DAP3: variants seen among roughly 807,000 people sequenced by gnomAD.
DAP3 encodes small ribosomal subunit protein mS29.
DAP3 carries 28 observed loss-of-function variants against 51.9 expected under a neutral mutation model. The ratio of observed to expected loss-of-function variants is 0.54; its 90% CI spans 0.40 to 0.74. The LOEUF is 0.74. Ranked by LOEUF, DAP3 falls within the 30% of genes least tolerant of loss-of-function variation. The pLI is 0.00. For missense variants in DAP3, 458 were observed against 483.5 expected (o/e 0.95, Z 0.49); for synonymous variants, 170 against 170.3 (o/e 1.00, Z 0.01).
At chr1:155,690,736 T>A (rs1004449069) in intron 1 of DAP3, among the ~76,000 whole-genome samples, 2 of 141,706 alleles carry the variant, frequency 1.4e-5, no homozygotes, top group Non-Finnish European at 2.9e-5. Flanking sequence ...TCTGTAAATT[T>A]ACACTTTTTT....
At chr1:155,707,903 T>A (rs1371170715) in intron 1 of DAP3, among the ~76,000 whole-genome samples, 4 of 152,208 alleles carry the variant, frequency 2.6e-5, no homozygotes, top group African/African-American at 9.6e-5. Flanking sequence ...TTCATTTAAT[T>A]GCTTTCTAAT....
chr1:155,737,103 A>T lies in DAP3; in HGVS notation c.1111+40A>T, dbSNP rs766103113. ...TTTTTCCTATCAGGGCTTTGTGATC[A>T]CAGTAGAATCCCACTCAGTCAGAGC... On this transcript the variant is annotated intron_variant, in intron 12 of 12. Transcript: ENST00000368336. The T allele has an allele frequency of 8.9e-5, 126 of 1,410,518 alleles. 2 individuals are homozygous for T. In the South Asian group the frequency reaches 1.4e-3, roughly 16 times the overall value. 87.4% of individuals were successfully genotyped at this position (1,410,518 alleles called of 1,614,324 possible).
chr1:155,703,214 G>A (rs921568733), intron 1 of DAP3, among the ~76,000 whole-genome samples: 1 of 152,126 alleles, frequency 6.6e-6, no homozygotes, highest in Non-Finnish European at 1.5e-5. Context: ...ACCCAAGACT[G>A]CGTAATTTAT....
At chr1:155,724,360 G>T (rs1441035515) in intron 4 of DAP3, among the ~76,000 whole-genome samples, 1 of 152,152 alleles carries the variant, frequency 6.6e-6, no homozygotes, top group Non-Finnish European at 1.5e-5. Flanking sequence ...TTTAGGCCAG[G>T]TGCGGTGGCT....
At chr1:155,689,364 C>T (rs1328260857) in intron 1 of DAP3, 190 bp downstream of exon 1, 5 of 520,438 alleles carry the variant, frequency 9.6e-6, no homozygotes, top group Admixed American at 2.3e-5. Context: ...GTTGTTAACC[C>T]TCCTCGGATT....
At chr1:155,725,767 G>A (rs897310636) in intron 5 of DAP3, among the ~76,000 whole-genome samples, 160 bp from the exon 6 acceptor site, 3 of 152,134 alleles carry the variant, frequency 2.0e-5, no homozygotes, top group Non-Finnish European at 4.4e-5. Context: ...GGGAAGCTGA[G>A]GCAGGAGAAT....
chr1:155,717,709 C>G (rs1657493273), intron 3 of DAP3, among the ~76,000 whole-genome samples: 2 of 152,130 alleles, frequency 1.3e-5, no homozygotes, highest in African/African-American at 4.8e-5. Flanking sequence ...GGTTCAGAAC[C>G]CAATTTTTCT....
rs183261166 is a variant in DAP3 at position 155,730,384 on chromosome 1, G to A, written c.844-972G>A. Among the ~76,000 whole-genome samples, 193 of 152,138 alleles carry A rather than the reference G, an allele frequency of 1.3e-3. 1 individual carries two copies. Among genetic ancestry groups the A allele is most frequent in the East Asian group, 1.5e-3 (8 of 5,178 alleles). On this transcript the variant is annotated intron_variant, in intron 9 of 12. Coordinates refer to ENST00000368336, the MANE Select transcript of DAP3 (RefSeq NM_004632.4). Reference sequence around the variant, plus strand: ...CTTTTAGGAGGCCAAGAGGTGATTTGCTTGAGTCCAGGAGTTTGGAGTTTG... The same window carrying A: ...CTTTTAGGAGGCCAAGAGGTGATTTACTTGAGTCCAGGAGTTTGGAGTTTG...
rs1442854821 is a variant in DAP3 at position 155,716,855 on chromosome 1, G to A, written c.46-151G>A. On this transcript the variant is annotated intron_variant, in intron 2 of 12. Coordinates refer to ENST00000368336, the MANE Select transcript of DAP3 (RefSeq NM_004632.4). ...CCAGTTACTCAGGAAGCTGAGGCAGGAGAATCACTTGAACCTGGAAGGCGG... is the reference window on the plus strand; with the variant it reads ...CCAGTTACTCAGGAAGCTGAGGCAGAAGAATCACTTGAACCTGGAAGGCGG... The A allele has an allele frequency of 4.7e-6, 5 of 1,070,754 alleles. No homozygotes were observed. In the African/African-American group the frequency reaches 8.0e-5, roughly 17 times the overall value. 66.3% of individuals were successfully genotyped at this position (1,070,754 alleles called of 1,614,324 possible).
rs139832484 is a variant in DAP3 at position 155,699,040 on chromosome 1, G to T, written c.-8+9866G>T. On this transcript the variant is annotated intron_variant, in intron 1 of 12. Transcript: ENST00000368336. The stretch of plus-strand genomic sequence containing the variant: ...TGAAGTCCGGTGGCGACAAAGGAAT[G>T]AGAAGAGACAGGTTAAGAGTTCATA... Among the ~76,000 whole-genome samples the T allele has an allele frequency of 7.5e-3, 1,147 of 152,298 alleles. 6 individuals carry two copies. The highest frequency in any genetic ancestry group is 0.013 in the Non-Finnish European group (862 of 68,018).
chr1:155,726,114 T>A, intron 6 of DAP3, 95 bp downstream of exon 6: 7 of 213,236 alleles, frequency 3.3e-5, no homozygotes, highest in Non-Finnish European at 5.6e-5. Context: ...TTTTCTTTTC[T>A]TTTTTTTTTT....
At chr1:155,736,171 TGTATTTTTA>T (rs1005851938) in intron 11 of DAP3, among the ~76,000 whole-genome samples, 13 of 151,964 alleles carry the variant, frequency 8.6e-5, no homozygotes, top group Admixed American at 3.9e-4. Context: ...ACAGTAATTT[TGTATTTTTA>T]GTATTTTCAC....
chr1:155,704,005 C>A (rs1254580979), intron 1 of DAP3, among the ~76,000 whole-genome samples: 2 of 152,102 alleles, frequency 1.3e-5, no homozygotes, highest in Non-Finnish European at 2.9e-5. Context: ...AATTAGCCAC[C>A]AGGTGGTTGC....
chr1:155,739,004 T>TAAATAAATAAATAAATAATA lies in DAP3; in HGVS notation c.*764_*765insATAAATAAATAAATAATAAA, dbSNP rs1325359631. On this transcript the variant is annotated 3_prime_UTR_variant, in exon 13 of 13. Coordinates refer to ENST00000368336, the MANE Select transcript of DAP3 (RefSeq NM_004632.4). ...ATAAATAAATAAATAAATAAATAAA[T>TAAATAAATAAATAAATAATA]AATAAATGTATACTGTACTGTTTTA... The TAAATAAATAAATAAATAATA allele has an allele frequency of 6.7e-6, 1 of 149,594 alleles. No individual in the cohort carries two copies. The highest frequency in any genetic ancestry group is 6.7e-5 in the Admixed American group (1 of 14,928). The allele number at this position is 149,594 out of a possible 1,614,324, so 9.3% of individuals were successfully genotyped here. A position where few individuals can be genotyped will look rare whatever the true frequency, so the allele number is the denominator to read the frequency against.
intron 2 of DAP3, among the ~76,000 whole-genome samples, chr1:155,712,472 C>T (rs566010664): frequency 1.1e-3 from 169 of 152,144 alleles, no homozygotes; most frequent in African/African-American, 3.7e-3. Context: ...ATTAGCCAGG[C>T]GCGGTGGCGC....
chr1:155,698,481 C>T (rs1654799357), intron 1 of DAP3, among the ~76,000 whole-genome samples: 1 of 152,136 alleles, frequency 6.6e-6, no homozygotes, highest in Admixed American at 6.6e-5. Context: ...TTTATTAGTA[C>T]TTGGTAGGGG....
chr1:155,704,962 G>A (rs1180391579), intron 1 of DAP3, among the ~76,000 whole-genome samples: 2 of 152,144 alleles, frequency 1.3e-5, no homozygotes, highest in Non-Finnish European at 2.9e-5. Flanking sequence ...CTGGGCGACA[G>A]AGCAATATTC....
At position 155,717,146 on chromosome 1, in the gene DAP3, A is replaced by T. The variant is rs1292164194; in HGVS notation, c.168+18A>T. The T allele has an allele frequency of 6.2e-7, 1 of 1,607,788 alleles. No homozygotes were observed. The highest frequency in any genetic ancestry group is 8.5e-7 in the Non-Finnish European group (1 of 1,177,618). On this transcript the variant is annotated intron_variant, in intron 3 of 12. Transcript: ENST00000368336. ...ATGACCCGGTGAGTTACTAATATGT[A>T]TATGGGGTTTCTCAGGGCTTATGAT...
At chr1:155,688,742 C>T, upstream of DAP3, 1 of 1,518,068 alleles carries the variant, frequency 6.6e-7, no homozygotes, top group South Asian at 1.2e-5. Flanking sequence ...CCAACCGCCG[C>T]CAAAGCAGCC....
Sources: gnomAD v4.1 joint callset for allele counts (sites outside exome capture counted in the v4.1 genomes callset) on GRCh38, gnomAD v4.1.1 for gene constraint, MANE v1.5 for transcripts, NCBI Gene and HGNC (gene_info 2026-07-23, HGNC 2026-07-21) for gene names.